TRIM48: variants seen among roughly 807,000 people sequenced by gnomAD.
TRIM48 encodes the protein tripartite motif containing 48.
TRIM48 carries 31 observed loss-of-function variants against 29.5 expected under a neutral mutation model. That is an observed-to-expected ratio of 1.05 (90% CI 0.79 to 1.42). The LOEUF (loss-of-function observed/expected upper bound fraction) is 1.42, where lower values mean the gene tolerates loss of function less well. TRIM48 is among the 40% of genes most tolerant of loss of function. The probability of loss-of-function intolerance (pLI) is 0.00; values close to 1 mark genes in which losing one functional copy is unlikely to be tolerated. For synonymous variants in TRIM48, 128 were observed against 90.6 expected (o/e 1.41, Z -2.34); for missense variants, 344 against 265.0 (o/e 1.30, Z -2.07).
At position 55,265,736 on chromosome 11, in the gene TRIM48, T is replaced by C. The variant is rs577172989; in HGVS notation, c.555+41T>C. 1.3e-5 allele frequency: 20 copies of C among 1,534,450 alleles called. 5 individuals are homozygous for C. In the South Asian group the frequency reaches 2.2e-4, roughly 17 times the overall value. ...CCCTACCTTCTCCAGGAACTTATGG[T>C]GGGCAAATGGGTGACTCTTAAAATA... is the stretch of plus-strand genomic sequence containing the variant. On this transcript the variant is annotated intron_variant, in intron 3 of 5. Coordinates refer to ENST00000417545, the MANE Select transcript of TRIM48 (RefSeq NM_024114.5).
chr11:55,268,935 G>A (rs1347874903), intron 4 of TRIM48, among the ~76,000 whole-genome samples: 2 of 147,704 alleles, frequency 1.4e-5, no homozygotes, highest in Non-Finnish European at 3.0e-5. Context: ...GATGTCAGGG[G>A]AGTCTGCCAA....
chr11:55,265,474 T>C, intron 2 of TRIM48, 126 bp from the exon 3 acceptor site: 1 of 1,481,122 alleles, frequency 6.8e-7, no homozygotes, highest in Non-Finnish European at 9.1e-7. Context: ...GAGGAAGAAG[T>C]GAAACAGAAG....
In TRIM48 at chr11:55,269,270, C is replaced by G. The variant is rs746900302; in HGVS notation, c.607C>G (p.Gln203Glu). The change falls in exon 5 of 6, where the codon CAG becomes GAG. Residue 203 changes from glutamine (Q) to glutamate (E), a missense_variant. Transcript: ENST00000417545. ...TGAGTCCGTGCTGCTGCACATGCCCCAGCCTCTGAATCTAGCGCTCAGGGC... is the reference window on the plus strand; with the variant it reads ...TGAGTCCGTGCTGCTGCACATGCCCGAGCCTCTGAATCTAGCGCTCAGGGC... ...RSESVLLHMP[Q>E]PLNLALRAGP... is the part of the protein sequence containing the mutation. 1.3e-6 allele frequency: 2 copies of G among 1,576,284 alleles called. No homozygotes were observed. Among genetic ancestry groups the G allele is most frequent in the African/African-American group, 2.7e-5 (2 of 73,708 alleles).
chr11:55,271,094 A>G lies in TRIM48; in HGVS notation c.*659A>G. The stretch of plus-strand genomic sequence containing the variant: ...AAACTCATTTATTGTGTTACTATTA[A>G]ATGTAGTAAAAACACTAAAAGTATA... On this transcript the variant is annotated 3_prime_UTR_variant, in exon 6 of 6. Transcript: ENST00000417545. 1 of 1,010,966 alleles carries G rather than the reference A, an allele frequency of 9.9e-7. No homozygotes were observed. The highest frequency in any genetic ancestry group is 1.4e-6 in the Non-Finnish European group (1 of 733,122). 62.6% of individuals were successfully genotyped at this position (1,010,966 alleles called of 1,614,324 possible).
intron 2 of TRIM48, 56 bp downstream of exon 2, chr11:55,265,370 C>G: frequency 1.3e-6 from 2 of 1,575,746 alleles, no homozygotes; most frequent in African/African-American, 1.4e-5. Context: ...ATTCCTGTGG[C>G]CCTATTTTCT....
intron 5 of TRIM48, among the ~76,000 whole-genome samples, chr11:55,269,680 G>T (rs1857450293): frequency 6.8e-6 from 1 of 147,150 alleles, no homozygotes; most frequent in Non-Finnish European, 1.5e-5. Context: ...CATTTCTTTG[G>T]TGTATTCATT....
intron 2 of TRIM48, 41 bp downstream of exon 2, chr11:55,265,355 A>G (rs1172336751): frequency 5.7e-6 from 9 of 1,579,782 alleles, no homozygotes; most frequent in African/African-American, 2.7e-5. Context: ...TAAAGGACAC[A>G]TGAAATTCCT....
rs1402489047 is a variant in TRIM48, at chr11:55,270,540, C to G, written c.*105C>G. 40 of 1,582,646 alleles carry G rather than the reference C, an allele frequency of 2.5e-5. 2 individuals carry two copies. The highest frequency in any genetic ancestry group is 3.7e-4 in the Middle Eastern group (2 of 5,370). On this transcript the variant is annotated 3_prime_UTR_variant, in exon 6 of 6. Coordinates refer to ENST00000417545, the MANE Select transcript of TRIM48 (RefSeq NM_024114.5). ...GTGACCGTCAAAATCCGCCCCATATCACTGCAACACCTACAAGTTTTCTTG... is the reference window on the plus strand; with the variant it reads ...GTGACCGTCAAAATCCGCCCCATATGACTGCAACACCTACAAGTTTTCTTG...
rs1289817372 is a variant in TRIM48, at chr11:55,270,410, CTATTTATT to C, written c.*2-13_*2-6del. The stretch of plus-strand genomic sequence containing the variant: ...GCATGTTTTCTTTCTTTCTTTCTTT[CTATTTATT>C]TATTTATTTATTTTGCAGTGGATAT... On this transcript the variant is annotated intron_variant, in intron 5 of 5. Coordinates refer to ENST00000417545, the MANE Select transcript of TRIM48 (RefSeq NM_024114.5). The C allele has an allele frequency of 5.7e-6, 8 of 1,399,068 alleles. 1 individual carries two copies. The highest frequency in any genetic ancestry group is 6.7e-6 in the Non-Finnish European group (7 of 1,040,378). 86.7% of individuals were successfully genotyped at this position (1,399,068 alleles called of 1,614,324 possible). A position where few individuals can be genotyped will look rare whatever the true frequency, so the allele number is the denominator to read the frequency against.
chr11:55,269,386 A>C lies in TRIM48; in HGVS notation c.*1+47A>C. The C allele has an allele frequency of 3.2e-6, 5 of 1,551,094 alleles. 1 individual carries two copies. In the South Asian group the frequency reaches 6.1e-5, roughly 19 times the overall value. On this transcript the variant is annotated intron_variant, in intron 5 of 5. Coordinates refer to ENST00000417545, the MANE Select transcript of TRIM48 (RefSeq NM_024114.5). ...GCACCCCCACTATCTAAATATTATT[A>C]TTGTTAGGATCACATAGGTAATATT...
At position 55,269,144 on chromosome 11, in the gene TRIM48, G is replaced by A. The variant is rs913288006; in HGVS notation, c.579-98G>A. On this transcript the variant is annotated intron_variant, in intron 4 of 5. Coordinates refer to ENST00000417545, the MANE Select transcript of TRIM48 (RefSeq NM_024114.5). The stretch of plus-strand genomic sequence containing the variant: ...TAATTTTTGAATTATCAAATTTGTG[G>A]GTTCAAAGGATTCTCATGAAATGTC... 6 of 1,438,914 alleles carry A rather than the reference G, an allele frequency of 4.2e-6. 1 individual carries two copies. Among genetic ancestry groups the A allele is most frequent in the Non-Finnish European group, 5.6e-6 (6 of 1,078,210 alleles). The allele number at this position is 1,438,914 out of a possible 1,614,324, so 89.1% of individuals were successfully genotyped here. A position where few individuals can be genotyped will look rare whatever the true frequency, so the allele number is the denominator to read the frequency against.
chr11:55,267,317 T>C (rs1857408533), intron 3 of TRIM48: 5 of 1,374,032 alleles, frequency 3.6e-6, no homozygotes, highest in African/African-American at 2.9e-5. Flanking sequence ...GTTTAAACTA[T>C]TGGATGTTCG....
At chr11:55,269,818 A>C (rs1207875184) in intron 5 of TRIM48, among the ~76,000 whole-genome samples, 1 of 147,976 alleles carries the variant, frequency 6.8e-6, no homozygotes, top group Non-Finnish European at 1.5e-5. Flanking sequence ...AATAAAAAGA[A>C]ATCATTTTGT....
rs1028453483 is a variant in TRIM48 at position 55,270,662 on chromosome 11, G to A, written c.*227G>A. On this transcript the variant is annotated 3_prime_UTR_variant, in exon 6 of 6. Coordinates refer to ENST00000417545, the MANE Select transcript of TRIM48 (RefSeq NM_024114.5). ...GCTTTTGGTGTCTGTAATAAGTATTGGAAAGGGAAGAATCAGAATGGCAAT... is the reference window on the plus strand; with the variant it reads ...GCTTTTGGTGTCTGTAATAAGTATTAGAAAGGGAAGAATCAGAATGGCAAT... 6.3e-6 allele frequency: 10 copies of A among 1,577,780 alleles called. No individual in the cohort carries two copies. In the African/African-American group the frequency reaches 1.1e-4, roughly 17 times the overall value.
chr11:55,264,875 T>C (rs764122311), intron 1 of TRIM48, 25 bp from the exon 2 acceptor site: 2 of 1,582,778 alleles, frequency 1.3e-6, no homozygotes, highest in Non-Finnish European at 8.6e-7. Context: ...GACCCCAAAA[T>C]GACATGCTGC....
intron 1 of TRIM48, 59 bp from the exon 2 acceptor site, chr11:55,264,841 G>A (rs1857360934): frequency 6.4e-7 from 1 of 1,574,576 alleles, no homozygotes; most frequent in African/African-American, 1.4e-5. Flanking sequence ...ATCTCCACAT[G>A]TTCAGAAGCT....
intron 4 of TRIM48, 32 bp downstream of exon 4, chr11:55,268,404 C>A (rs753372413): frequency 6.6e-7 from 1 of 1,526,080 alleles, no homozygotes; most frequent in South Asian, 1.3e-5. Context: ...AGCATATGTT[C>A]TTTCACTTTC....
At chr11:55,269,437 C>A (rs1215156171) in intron 5 of TRIM48, 98 bp downstream of exon 5, 1 of 1,424,206 alleles carries the variant, frequency 7.0e-7, no homozygotes, top group Non-Finnish European at 9.4e-7. Context: ...TATTTTACTA[C>A]TTTATAAGCA....
At chr11:55,266,173 G>A (rs972557875) in intron 3 of TRIM48, among the ~76,000 whole-genome samples, 14 of 147,546 alleles carry the variant, frequency 9.5e-5, no homozygotes, top group Admixed American at 2.8e-4. Flanking sequence ...ATGAAATTAA[G>A]AATCCAAACT....
Sources: allele counts gnomAD v4.1 joint callset (sites outside exome capture counted in the v4.1 genomes callset), GRCh38; gene constraint gnomAD v4.1.1; transcripts MANE v1.5; gene names NCBI Gene and HGNC (gene_info 2026-07-23, HGNC 2026-07-21).